KCNQ4: variants seen among roughly 807,000 people sequenced by gnomAD.
KCNQ4 encodes the protein potassium voltage-gated channel subfamily Q member 4, also known as potassium voltage-gated channel subfamily KQT member 4.
In KCNQ4, 31 loss-of-function variants were observed where a neutral mutation model predicts 72.6. The observed-to-expected ratio is 0.43, with a 90% confidence interval of 0.32 to 0.58. The LOEUF is 0.58. Among genes scored for constraint, KCNQ4 ranks in the 20% least tolerant of loss-of-function variants. The pLI is 0.08. For missense variants in KCNQ4, 869 were observed against 962.6 expected, an observed-to-expected ratio of 0.90 and a Z score of 1.29; for synonymous variants, 405 against 403.7, an observed-to-expected ratio of 1.00 and a Z score of -0.04.
chr1:40,838,725 G>A lies in KCNQ4; in HGVS notation c.*202G>A. Reference sequence around the variant, plus strand: ...CTTCCCCACCTCAGGAGCGTGAGATGCCAGGTCGCACAGAGGGCAGCAGCA... The same window carrying A: ...CTTCCCCACCTCAGGAGCGTGAGATACCAGGTCGCACAGAGGGCAGCAGCA... On this transcript the variant is annotated 3_prime_UTR_variant, in exon 14 of 14. Coordinates refer to ENST00000347132, the MANE Select transcript of KCNQ4 (RefSeq NM_004700.4). The A allele has an allele frequency of 3.2e-6, 2 of 627,774 alleles. No homozygotes were observed. The highest frequency in any genetic ancestry group is 2.9e-6 in the Non-Finnish European group (1 of 350,160). 38.9% of individuals were successfully genotyped at this position (627,774 alleles called of 1,614,324 possible).
rs564293118 is a variant in KCNQ4, at chr1:40,784,775, C to CT, written c.314+369dup. Among the ~76,000 whole-genome samples the CT allele has an allele frequency of 3.3e-5, 5 of 152,292 alleles. No individual in the cohort carries two copies. In the South Asian group the frequency reaches 1.0e-3, roughly 32 times the overall value. ...GGCGCCCTTTTCCTCTTCCCCACCC[C>CT]TGCCTCCCTGTGTCCCAGACACAAA... is the stretch of plus-strand genomic sequence containing the variant. On this transcript the variant is annotated intron_variant, in intron 1 of 13. Coordinates refer to ENST00000347132, the MANE Select transcript of KCNQ4 (RefSeq NM_004700.4). The surrounding 1 kb of genome is among the most constrained non-coding windows in gnomAD (Gnocchi z 4.1).
At chr1:40,802,305 G>T (rs1336245504) in intron 1 of KCNQ4, among the ~76,000 whole-genome samples, 1 of 152,088 alleles carries the variant, frequency 6.6e-6, no homozygotes, top group Non-Finnish European at 1.5e-5. Flanking sequence ...CCTCGGGGAC[G>T]CGGCGGCACC....
chr1:40,791,503 C>G (rs1179444379), intron 1 of KCNQ4, among the ~76,000 whole-genome samples: 2 of 152,166 alleles, frequency 1.3e-5, no homozygotes, highest in Non-Finnish European at 2.9e-5. Context: ...CCTGGGCAAC[C>G]CTGTCCCTGG....
Position 40,784,125 on chromosome 1 carries a change from TG to T in KCNQ4, c.35del (p.Gly12ValfsTer12). The T allele has an allele frequency of 2.2e-6, 2 of 897,352 alleles. No individual in the cohort carries two copies. The highest frequency in any genetic ancestry group is 4.1e-5 in the South Asian group (1 of 24,328). 55.6% of individuals were successfully genotyped at this position (897,352 alleles called of 1,614,324 possible). On this transcript the variant is annotated frameshift_variant, in exon 1 of 14. Transcript: ENST00000347132. LOFTEE classifies it high-confidence loss of function. The surrounding 1 kb of genome is among the most constrained non-coding windows in gnomAD (Gnocchi z 4.1). Reference sequence around the variant, plus strand: ...GAGGCCCCCCCGCGCCGCCTCGGCCTGGGTCCCCCGCCCGGGGACGCCCCCC... The same window carrying T: ...GAGGCCCCCCCGCGCCGCCTCGGCCTGGTCCCCCGCCCGGGGACGCCCCCC... The part of the protein sequence containing the change: MAEAPPRRLG[L>X]GPPPGDAPRA...
intron 1 of KCNQ4, among the ~76,000 whole-genome samples, chr1:40,795,928 C>T (rs1316242316): frequency 1.3e-5 from 2 of 152,220 alleles, no homozygotes; most frequent in Non-Finnish European, 2.9e-5. Context: ...CACACTGCTT[C>T]ATTTAATCCT....
chr1:40,792,068 T>C (rs78604666), intron 1 of KCNQ4, among the ~76,000 whole-genome samples: 3,438 of 151,956 alleles, frequency 0.023, 163 homozygotes, highest in African/African-American at 0.079. Context: ...TCAGATCGGG[T>C]ACCCACTGGC....
In KCNQ4 at chr1:40,805,942, C is replaced by T. The variant is rs530952893; in HGVS notation, c.315-11323C>T. ...CTGCAGGCTCCGCCTCCTGGGTTCACGCCATTCTTCTGCCTCAGCCTCTGG... is the reference window on the plus strand; with the variant it reads ...CTGCAGGCTCCGCCTCCTGGGTTCATGCCATTCTTCTGCCTCAGCCTCTGG... On this transcript the variant is annotated intron_variant, in intron 1 of 13. Transcript: ENST00000347132. Among the ~76,000 whole-genome samples, 907 of 152,222 alleles carry T rather than the reference C, an allele frequency of 6.0e-3. 4 individuals are homozygous for T. The highest frequency in any genetic ancestry group is 0.01 in the Non-Finnish European group (694 of 68,022).
chr1:40,806,968 CAT>C (rs1300324717), intron 1 of KCNQ4, among the ~76,000 whole-genome samples: 1 of 152,158 alleles, frequency 6.6e-6, no homozygotes, highest in Non-Finnish European at 1.5e-5. Flanking sequence ...GCAGGGCTGT[CAT>C]GTGTCGCTCT....
rs1647228635 is a variant in KCNQ4 at position 40,788,669 on chromosome 1, C to T, written c.314+4262C>T. Reference sequence around the variant, plus strand: ...AGCACCACAGCCTCAGCTAGCAGCACCCCAAGTCCAGGCTCCTCAAGAACA... The same window carrying T: ...AGCACCACAGCCTCAGCTAGCAGCATCCCAAGTCCAGGCTCCTCAAGAACA... On this transcript the variant is annotated intron_variant, in intron 1 of 13. Transcript: ENST00000347132. The surrounding 1 kb of genome is among the most constrained non-coding windows in gnomAD (Gnocchi z 4.5). Among the ~76,000 whole-genome samples the T allele has an allele frequency of 6.6e-6, 1 of 152,162 alleles. No individual in the cohort carries two copies. The highest frequency in any genetic ancestry group is 2.1e-4 in the South Asian group (1 of 4,822).
Position 40,823,816 on chromosome 1 carries a change from G to T in KCNQ4, c.1131-281G>T, listed in dbSNP as rs116897536. On this transcript the variant is annotated intron_variant, in intron 8 of 13. Coordinates refer to ENST00000347132, the MANE Select transcript of KCNQ4 (RefSeq NM_004700.4). ...CTCTGAGGAGGCACGGCACGTTCAG[G>T]CAGTCAGCTTGATGGGCTGAGAGTA... 9.7e-4 allele frequency among the ~76,000 whole-genome samples: 147 copies of T among 152,330 alleles called. 4 individuals carry two copies. In the East Asian group the frequency reaches 0.028, roughly 29 times the overall value.
chr1:40,812,692 C>G (rs1470873947), intron 1 of KCNQ4, among the ~76,000 whole-genome samples: 1 of 152,096 alleles, frequency 6.6e-6, no homozygotes. Flanking sequence ...CAGCGTCCGC[C>G]AAATGGAGAT....
chr1:40,838,400 G>A lies in KCNQ4; in HGVS notation c.1965G>A (p.Val655=). 1 of 1,614,086 alleles carries A rather than the reference G, an allele frequency of 6.2e-7. No individual in the cohort carries two copies. Among genetic ancestry groups the A allele is most frequent in the East Asian group, 2.2e-5 (1 of 44,882 alleles). The part of the protein sequence containing the change: ...RSGTSASLGA[V]QVPLFDPDIT... ...GCACCTCGGCCAGCCTGGGCGCCGT[G>A]CAAGTGCCGCTGTTCGACCCCGACA... The change falls in exon 14 of 14, where the codon GTG becomes GTA. Residue 655 remains valine, a synonymous_variant. Transcript: ENST00000347132.
At chr1:40,838,140 C>T (rs1648862216) in intron 13 of KCNQ4, among the ~76,000 whole-genome samples, 171 bp from the exon 14 acceptor site, 1 of 152,156 alleles carries the variant, frequency 6.6e-6, no homozygotes, top group South Asian at 2.1e-4. Flanking sequence ...CACCAGTGCC[C>T]AGCTTCGCCC....
rs760761932 is a variant in KCNQ4 at position 40,838,493 on chromosome 1, C to T, written c.2058C>T (p.Ile686=). ...DISVSAQTLS[I]SRSVSTNMD Reference sequence around the variant, plus strand: ...CCGTCTCCGCACAGACGCTCAGCATCTCCCGCTCGGTCAGCACCAACATGG... The same window carrying T: ...CCGTCTCCGCACAGACGCTCAGCATTTCCCGCTCGGTCAGCACCAACATGG... The change falls in exon 14 of 14, where the codon ATC becomes ATT. Residue 686 remains isoleucine (I), a synonymous_variant. Coordinates refer to ENST00000347132, the MANE Select transcript of KCNQ4 (RefSeq NM_004700.4). The T allele has an allele frequency of 2.5e-6, 4 of 1,614,170 alleles. No individual in the cohort carries two copies. Among genetic ancestry groups the T allele is most frequent in the Non-Finnish European group, 3.4e-6 (4 of 1,179,976 alleles).
chr1:40,804,865 T>TG (rs1368513922), intron 1 of KCNQ4: 4 of 150,232 alleles, frequency 2.7e-5, no homozygotes, highest in Non-Finnish European at 5.8e-5. Context: ...GGCATGTGCC[T>TG]GTAGTCTCAG....
chr1:40,808,812 C>G (rs1647841426), intron 1 of KCNQ4, among the ~76,000 whole-genome samples: 1 of 152,212 alleles, frequency 6.6e-6, no homozygotes, highest in Non-Finnish European at 1.5e-5. Flanking sequence ...TCCTTCCACT[C>G]TGGCTCTCTC....
intron 1 of KCNQ4, among the ~76,000 whole-genome samples, chr1:40,804,386 A>T (rs1411131314): frequency 1.3e-5 from 2 of 152,220 alleles, no homozygotes; most frequent in Non-Finnish European, 2.9e-5. Flanking sequence ...GTATGATCAC[A>T]GGTAAGCCAG....
At position 40,796,685 on chromosome 1, in the gene KCNQ4, G is replaced by A. The variant is rs536440013; in HGVS notation, c.314+12278G>A. On this transcript the variant is annotated intron_variant, in intron 1 of 13. Coordinates refer to ENST00000347132, the MANE Select transcript of KCNQ4 (RefSeq NM_004700.4). ...TAATCCCAGCACTTTGGGAGGCAGA[G>A]GCAGGCAGACCACCTGAGGTCAGGA... 2.5e-3 allele frequency among the ~76,000 whole-genome samples: 385 copies of A among 152,310 alleles called. 3 individuals carry two copies. Among genetic ancestry groups the A allele is most frequent in the African/African-American group, 8.6e-3 (358 of 41,566 alleles).
At chr1:40,819,132 GA>G (rs1330356619) in intron 4 of KCNQ4, 4 of 559,894 alleles carry the variant, frequency 7.1e-6, no homozygotes, top group Admixed American at 2.8e-5. Flanking sequence ...CAGGCGGGGT[GA>G]GGGTGGGGGT....
Sources: allele counts gnomAD v4.1 joint callset (sites outside exome capture counted in the v4.1 genomes callset), GRCh38; gene constraint gnomAD v4.1.1; non-coding constraint Gnocchi (gnomAD v3.1); transcripts MANE v1.5; gene names NCBI Gene and HGNC (gene_info 2026-07-23, HGNC 2026-07-21).